TSPAN1: variants seen among roughly 807,000 people sequenced by gnomAD.
TSPAN1 encodes tetraspanin-1.
TSPAN1 carries 23 observed loss-of-function variants against 26.9 expected under a neutral mutation model. The observed-to-expected ratio is 0.85, with a 90% CI of 0.62 to 1.21. TSPAN1 has a LOEUF of 1.21. Among genes scored for constraint, TSPAN1 ranks in the 50% most tolerant of loss-of-function variants. The pLI is 0.00. For synonymous variants in TSPAN1, 115 were observed against 114.8 expected (o/e 1.00, Z -0.01); for missense variants, 283 against 298.4 (o/e 0.95, Z 0.38).
At chr1:46,177,476 C>T (rs188997514) in intron 1 of TSPAN1, among the ~76,000 whole-genome samples, 10 of 152,168 alleles carry the variant, frequency 6.6e-5, no homozygotes, top group Admixed American at 1.3e-4. Flanking sequence ...CACATATTTC[C>T]CCTATAAGGC....
Position 46,185,614 on chromosome 1 carries a change from G to A in TSPAN1, c.*81G>A. On this transcript the variant is annotated 3_prime_UTR_variant, in exon 9 of 9. Coordinates refer to ENST00000372003, the MANE Select transcript of TSPAN1 (RefSeq NM_005727.4). ...CTGGCAAGCAGCAGTGATTGGGGGAGGGGACAGGATCTAACAATGTCACTT... is the reference window on the plus strand; with the variant it reads ...CTGGCAAGCAGCAGTGATTGGGGGAAGGGACAGGATCTAACAATGTCACTT... 1.3e-6 allele frequency: 2 copies of A among 1,503,258 alleles called. No homozygotes were observed. The highest frequency in any genetic ancestry group is 1.8e-6 in the Non-Finnish European group (2 of 1,086,038). 93.1% of individuals were successfully genotyped at this position (1,503,258 alleles called of 1,614,324 possible).
chr1:46,179,757 G>T (rs1363667334), intron 1 of TSPAN1, among the ~76,000 whole-genome samples: 2 of 152,096 alleles, frequency 1.3e-5, no homozygotes, highest in African/African-American at 4.8e-5. Context: ...TACACAGAGC[G>T]CTAAGAGAAG....
chr1:46,180,345 T>A (rs1490823352), intron 1 of TSPAN1, among the ~76,000 whole-genome samples, 181 bp from the exon 2 acceptor site: 1 of 152,152 alleles, frequency 6.6e-6, no homozygotes, highest in Non-Finnish European at 1.5e-5. Flanking sequence ...TGCTTCTTCT[T>A]GAGATCAGGA....
the TSPAN1 span, chr1:46,194,331 G>C: frequency 6.2e-7 from 1 of 1,614,202 alleles, no homozygotes. Flanking sequence ...CACTTCCATA[G>C]CCCTCAACTT....
chr1:46,185,657 C>A lies in TSPAN1; in HGVS notation c.*124C>A. 9.0e-7 allele frequency: 1 copy of A among 1,113,708 alleles called. No homozygotes were observed. Among genetic ancestry groups the A allele is most frequent in the Non-Finnish European group, 1.3e-6 (1 of 756,062 alleles). 69.0% of individuals were successfully genotyped at this position (1,113,708 alleles called of 1,614,324 possible). On this transcript the variant is annotated 3_prime_UTR_variant, in exon 9 of 9. Coordinates refer to ENST00000372003, the MANE Select transcript of TSPAN1 (RefSeq NM_005727.4). ...TGTCACTTGGGCCAGAATGGACCTG[C>A]CCTTTCTGCTCCAGACTTGGGGCTA...
the TSPAN1 span, chr1:46,194,447 T>C: frequency 1.2e-6 from 2 of 1,613,918 alleles, no homozygotes. Context: ...GCCAGCAAGG[T>C]TTGAAGAGCC....
At chr1:46,181,616 T>G (rs1367468359) in intron 3 of TSPAN1, among the ~76,000 whole-genome samples, 1 of 151,910 alleles carries the variant, frequency 6.6e-6, no homozygotes, top group African/African-American at 2.4e-5. Flanking sequence ...GCAACAGTCC[T>G]TATTCATTCG....
At chr1:46,184,478 G>A (rs1488023817) in intron 4 of TSPAN1, 81 bp downstream of exon 4, 3 of 1,608,452 alleles carry the variant, frequency 1.9e-6, no homozygotes, top group East Asian at 4.5e-5. Context: ...CCCAAACCCT[G>A]CTTTGGACCC....
At chr1:46,192,184 G>A in the TSPAN1 span, 26 of 1,614,082 alleles carry the variant, frequency 1.6e-5, no homozygotes, top group Non-Finnish European at 1.7e-5. Context: ...CGGCCCCGGC[G>A]TTGTTCAGGC....
chr1:46,194,269 C>T, the TSPAN1 span: 2 of 1,614,210 alleles, frequency 1.2e-6, no homozygotes, highest in Non-Finnish European at 1.7e-6. Flanking sequence ...TAAGGCCCCA[C>T]TCACTGGGTC....
At chr1:46,188,937 G>A (rs1266355905), downstream of TSPAN1, 1 of 1,612,832 alleles carries the variant, frequency 6.2e-7, no homozygotes, top group East Asian at 2.2e-5. Context: ...CTGTTTTCAA[G>A]GCCCTCAGGA....
downstream of TSPAN1, among the ~76,000 whole-genome samples, chr1:46,186,485 T>C (rs1178287468): frequency 4.0e-5 from 6 of 150,418 alleles, no homozygotes; most frequent in African/African-American, 1.2e-4. Context: ...TTTCTTTTCT[T>C]TTCTTTTTTT....
At position 46,184,940 on chromosome 1, in the gene TSPAN1, C is replaced by T. The variant is rs756637339; in HGVS notation, c.439-20C>T. ...AGAGAAAGAAGCAAGGCCCCACCTC[C>T]ACCCTCATCTTGTCTCCAGCTCAAG... On this transcript the variant is annotated intron_variant, in intron 6 of 8. Transcript: ENST00000372003. 1.2e-6 allele frequency: 2 copies of T among 1,614,076 alleles called. No homozygotes were observed. The highest frequency in any genetic ancestry group is 4.5e-5 in the East Asian group (2 of 44,886).
chr1:46,184,985 A>G lies in TSPAN1; in HGVS notation c.464A>G (p.Tyr155Cys). ...CTCAAGTGCTGTGGCTTCACCAACT[A>G]TACGGATTTTGAGGACTCACCCTAC... ...KGLKCCGFTN[Y>C]TDFEDSPYFK... The change falls in exon 7 of 9, where the codon TAT becomes TGT. Residue 155 changes from tyrosine to cysteine, a missense_variant. Tyr to Cys is a radical substitution (Grantham distance 194). Coordinates refer to ENST00000372003, the MANE Select transcript of TSPAN1 (RefSeq NM_005727.4). 1 of 1,614,166 alleles carries G rather than the reference A, an allele frequency of 6.2e-7. No homozygotes were observed. The highest frequency in any genetic ancestry group is 8.5e-7 in the Non-Finnish European group (1 of 1,180,034).
chr1:46,194,695 G>T, the TSPAN1 span: 1 of 1,614,252 alleles, frequency 6.2e-7, no homozygotes, highest in South Asian at 1.1e-5. Flanking sequence ...CCAGACACCA[G>T]TTTGGGGGCT....
intron 3 of TSPAN1, among the ~76,000 whole-genome samples, chr1:46,181,994 G>A (rs983500598): frequency 6.6e-6 from 1 of 152,040 alleles, no homozygotes. Context: ...AGGGAGAAAC[G>A]GACAAAGTGG....
chr1:46,192,219 C>T, the TSPAN1 span: 1 of 1,614,222 alleles, frequency 6.2e-7, no homozygotes. Context: ...GTCCCAATCC[C>T]AGAGCTGGCA....
At chr1:46,181,076 A>T in intron 2 of TSPAN1, 24 bp from the exon 3 acceptor site, 1 of 1,612,330 alleles carries the variant, frequency 6.2e-7, no homozygotes. Flanking sequence ...ACAAGGCCCT[A>T]ACTTGCACAT....
intron 1 of TSPAN1, among the ~76,000 whole-genome samples, chr1:46,179,358 C>T (rs1381208668): frequency 1.3e-5 from 2 of 152,018 alleles, no homozygotes; most frequent in Non-Finnish European, 2.9e-5. Context: ...CATAGCCCCA[C>T]TGCCTGTGAC....
Sources: gnomAD v4.1 joint callset for allele counts (sites outside exome capture counted in the v4.1 genomes callset) on GRCh38, gnomAD v4.1.1 for gene constraint, MANE v1.5 for transcripts, NCBI Gene and HGNC (gene_info 2026-07-23, HGNC 2026-07-21) for gene names.